Variants in NFX1 observed in about 807,000 individuals in gnomAD.
NFX1 encodes nuclear transcription factor, X-box binding 1, also known as transcriptional repressor NF-X1.
In NFX1, 69 loss-of-function variants were observed where a neutral mutation model predicts 137.2. The observed-to-expected ratio is 0.50, with a 90% confidence interval of 0.41 to 0.61. NFX1 has a LOEUF of 0.61. Ranked by LOEUF, NFX1 falls within the 20% of genes least tolerant of loss-of-function variation. NFX1 has a pLI of 0.00. For synonymous variants in NFX1, 495 were observed against 474.1 expected, an observed-to-expected ratio of 1.04 and a Z score of -0.57; for missense variants, 1,167 against 1,391.0, an observed-to-expected ratio of 0.84 and a Z score of 2.56.
chr9:33,329,545 C>T (rs992337255), intron 10 of NFX1, among the ~76,000 whole-genome samples: 43 of 152,274 alleles, frequency 2.8e-4, no homozygotes, highest in African/African-American at 9.6e-4. Context: ...AAGCCAAGCA[C>T]AAAGGCCAGA....
intron 5 of NFX1, among the ~76,000 whole-genome samples, chr9:33,307,635 T>TA (rs1371875279): frequency 6.6e-6 from 1 of 152,180 alleles, no homozygotes; most frequent in Non-Finnish European, 1.5e-5. Flanking sequence ...TGCTTGCTTC[T>TA]AAGAAGAAAT....
intron 15 of NFX1, chr9:33,348,655 G>A: frequency 1.6e-6 from 1 of 633,486 alleles, no homozygotes; most frequent in Non-Finnish European, 2.0e-6. Context: ...CTGGAGACAG[G>A]GTTGCCACAA....
intron 12 of NFX1, among the ~76,000 whole-genome samples, chr9:33,340,242 G>A (rs1187202447): frequency 2.6e-5 from 4 of 152,240 alleles, no homozygotes; most frequent in Non-Finnish European, 5.9e-5. Context: ...CTAGGCAGAC[G>A]TTTCCAACCT....
rs1321941867 is a variant in NFX1, at chr9:33,351,804, G to A, written c.2655+14G>A. On this transcript the variant is annotated intron_variant, in intron 16 of 23. Coordinates refer to ENST00000379540, the MANE Select transcript of NFX1 (RefSeq NM_002504.6). Reference sequence around the variant, plus strand: ...TGTAAAGCTAAGGTGGGTATTTCTGGCCACAGATGCAGCATTGACTGTAGT... The same window carrying A: ...TGTAAAGCTAAGGTGGGTATTTCTGACCACAGATGCAGCATTGACTGTAGT... The A allele has an allele frequency of 1.9e-6, 3 of 1,552,450 alleles. No homozygotes were observed. The highest frequency in any genetic ancestry group is 2.6e-6 in the Non-Finnish European group (3 of 1,150,530).
Position 33,332,335 on chromosome 9 carries a change from A to C in NFX1, c.2005-137A>C, listed in dbSNP as rs1038639148. 6.5e-6 allele frequency: 5 copies of C among 763,642 alleles called. No individual in the cohort carries two copies. In the Admixed American group the frequency reaches 1.3e-4, roughly 20 times the overall value. 47.3% of individuals were successfully genotyped at this position (763,642 alleles called of 1,614,324 possible). A position where few individuals can be genotyped will look rare whatever the true frequency, so the allele number is the denominator to read the frequency against. The stretch of plus-strand genomic sequence containing the variant: ...GATTAGGCTCGCTCCAGACATGGCA[A>C]GTGAAGTTGGTGAATAAGTGACTAT... On this transcript the variant is annotated intron_variant, in intron 10 of 23. Transcript: ENST00000379540.
chr9:33,313,715 T>C lies in NFX1; in HGVS notation c.1510T>C (p.Leu504=), dbSNP rs1486520917. The part of the protein sequence containing the change: ...VHCSNPCENI[L]NCGQHQCAEL... ...CTGTTCTAACCCATGTGAGAATATT[T>C]TGAACTGTGGTCAGCACCAGTGTGC... Residue 504 remains leucine (L), a synonymous_variant, in exon 7 of 24, where the codon TTG becomes CTG. Transcript: ENST00000379540. 6.2e-7 allele frequency: 1 copy of C among 1,614,188 alleles called. No individual in the cohort carries two copies. The highest frequency in any genetic ancestry group is 8.5e-7 in the Non-Finnish European group (1 of 1,180,016).
intron 5 of NFX1, among the ~76,000 whole-genome samples, chr9:33,309,571 C>T (rs1821888142): frequency 6.6e-6 from 1 of 152,164 alleles, no homozygotes; most frequent in African/African-American, 2.4e-5. Flanking sequence ...AAGCCCATTC[C>T]CCAGTAGCAC....
Position 33,301,386 on chromosome 9 carries a change from T to A in NFX1, c.1157T>A (p.Ile386Lys). 1 of 1,614,166 alleles carries A rather than the reference T, an allele frequency of 6.2e-7. No individual in the cohort carries two copies. The highest frequency in any genetic ancestry group is 8.5e-7 in the Non-Finnish European group (1 of 1,180,022). The change falls in exon 3 of 24, where the codon ATA becomes AAA. Residue 386 changes from isoleucine to lysine, a missense_variant. This residue lies in a region of NFX1 where 488 missense variants were observed against 691.5 expected (regional missense o/e 0.71). Transcript: ENST00000379540. ...SCYHVFHLNC[I>K]KKWARSPASQ... is the part of the protein sequence containing the mutation. The stretch of plus-strand genomic sequence containing the variant: ...TACCATGTGTTTCATTTGAACTGCA[T>A]AAAGAAATGGGCAAGGTCTCCAGCA...
At position 33,307,265 on chromosome 9, in the gene NFX1, C is replaced by T; in HGVS notation, c.1342C>T (p.Gln448Ter). 6.2e-7 allele frequency: 1 copy of T among 1,614,118 alleles called. No homozygotes were observed. Among genetic ancestry groups the T allele is most frequent in the Non-Finnish European group, 8.5e-7 (1 of 1,179,986 alleles). Reference sequence around the variant, plus strand: ...CTGTGGTGAGGTTTGTAGAAAGAAACAGCCTGGCCAGGACTGCCCACATTC... The same window carrying T: ...CTGTGGTGAGGTTTGTAGAAAGAAATAGCCTGGCCAGGACTGCCCACATTC... ...HSCGEVCRKK[Q>*]PGQDCPHSCN... Residue 448 changes from glutamine (Q) to a stop codon, truncating the protein, a stop_gained, in exon 5 of 24, where the codon CAG becomes TAG. Coordinates refer to ENST00000379540, the MANE Select transcript of NFX1 (RefSeq NM_002504.6). LOFTEE classifies it high-confidence loss of function.
chr9:33,354,029 A>G, intron 17 of NFX1, 57 bp from the exon 18 acceptor site: 1 of 1,480,452 alleles, frequency 6.8e-7, no homozygotes, highest in Non-Finnish European at 9.2e-7. Flanking sequence ...TCCCAAGTAT[A>G]AGGAGGTTCT....
chr9:33,307,105 A>AT, intron 4 of NFX1, 89 bp from the exon 5 acceptor site: 1 of 913,072 alleles, frequency 1.1e-6, no homozygotes, highest in South Asian at 1.7e-5. Flanking sequence ...CTAAAGTTGC[A>AT]TGCTGCCTAG....
At chr9:33,338,377 A>T (rs977548258) in intron 11 of NFX1, 133 bp from the exon 12 acceptor site, 22 of 826,988 alleles carry the variant, frequency 2.7e-5, no homozygotes, top group Admixed American at 7.8e-5. Context: ...AAAACAAAAA[A>T]AACTGCATTT....
At position 33,367,615 on chromosome 9, in the gene NFX1, GAC is replaced by G. The variant is rs1564154114; in HGVS notation, c.3288_3289del (p.Asp1096GlufsTer7). ...PPIPHHRHQSDKNPGSSNLQK... is the reference protein window; with the variant it reads ...PPIPHHRHQSXKNPGSSNLQK... ...GATTCCTCATCACAGACATCAGTCA[GAC>G]AAGTAAGATTCTCCAGCTGCTTTCC... is the stretch of plus-strand genomic sequence containing the variant. On this transcript the variant is annotated frameshift_variant and splice_region_variant, in exon 23 of 24. Transcript: ENST00000379540. LOFTEE classifies it high-confidence loss of function. 6.2e-7 allele frequency: 1 copy of G among 1,613,546 alleles called. No homozygotes were observed. Among genetic ancestry groups the G allele is most frequent in the East Asian group, 2.2e-5 (1 of 44,862 alleles).
chr9:33,339,529 T>G (rs1311445035), intron 12 of NFX1, among the ~76,000 whole-genome samples: 1 of 152,192 alleles, frequency 6.6e-6, no homozygotes, highest in Non-Finnish European at 1.5e-5. Flanking sequence ...ACTATATCAT[T>G]CTGCCCCTGG....
chr9:33,364,944 A>C (rs1824127590), intron 21 of NFX1, 170 bp downstream of exon 21: 10 of 1,429,604 alleles, frequency 7.0e-6, no homozygotes, highest in Non-Finnish European at 9.1e-6. Flanking sequence ...ACATCTGTGG[A>C]AGCCTGTCCT....
At chr9:33,301,609 C>A (rs917877805) in intron 3 of NFX1, among the ~76,000 whole-genome samples, 188 bp downstream of exon 3, 1 of 152,096 alleles carries the variant, frequency 6.6e-6, no homozygotes, top group Non-Finnish European at 1.5e-5. Flanking sequence ...ACCAGCTAAA[C>A]AACAATATTA....
At position 33,328,685 on chromosome 9, in the gene NFX1, C is replaced by T. The variant is rs1335997456; in HGVS notation, c.2004+7C>T. 2 of 1,600,138 alleles carry T rather than the reference C, an allele frequency of 1.2e-6. No homozygotes were observed. Among genetic ancestry groups the T allele is most frequent in the Non-Finnish European group, 1.7e-6 (2 of 1,167,964 alleles). ...ATGCTCTTTCAGAACAAAGGTAAAT[C>T]CTAAACAATGCTAGAGTTGTTGCCA... is the stretch of plus-strand genomic sequence containing the variant. On this transcript the variant is annotated splice_region_variant and intron_variant, in intron 10 of 23. Transcript: ENST00000379540.
At chr9:33,348,178 C>T (rs1022582698) in intron 15 of NFX1, 1 of 152,016 alleles carries the variant, frequency 6.6e-6, no homozygotes, top group African/African-American at 2.4e-5. Context: ...GTGAGACCCC[C>T]CCCATCTCTA....
At position 33,318,800 on chromosome 9, in the gene NFX1, G is replaced by C; in HGVS notation, c.1658G>C (p.Gly553Ala). The stretch of plus-strand genomic sequence containing the variant: ...GATGTAGGAAAGTCTGATGGATTTG[G>C]GGATTTCAGCTGTTTAAAGATATGT... The part of the protein sequence containing the change: ...GTDVGKSDGF[G>A]DFSCLKICGK... The change falls in exon 8 of 24, where the codon GGG becomes GCG. Residue 553 changes from glycine (G) to alanine (A), a missense_variant. By Grantham distance (60) the Gly-to-Ala change is moderately conservative (BLOSUM62 0). This residue lies in a region of NFX1 where 488 missense variants were observed against 691.5 expected (regional missense o/e 0.71). Transcript: ENST00000379540. 2 of 1,614,150 alleles carry C rather than the reference G, an allele frequency of 1.2e-6. No individual in the cohort carries two copies. Among genetic ancestry groups the C allele is most frequent in the Non-Finnish European group, 1.7e-6 (2 of 1,180,022 alleles).
Sources: gnomAD v4.1 joint callset for allele counts (sites outside exome capture counted in the v4.1 genomes callset) on GRCh38, gnomAD v4.1.1 for gene constraint, gnomAD v4.1.1 regional missense constraint, MANE v1.5 for transcripts, NCBI Gene and HGNC (gene_info 2026-07-23, HGNC 2026-07-21) for gene names.